The following RUFY2 variants were observed in gnomAD, a reference collection of about 807,000 sequenced individuals.
RUFY2 encodes RUN and FYVE domain-containing protein 2.
RUFY2 carries 49 observed loss-of-function variants against 94.4 expected under a neutral mutation model. That is an observed-to-expected ratio of 0.52 (90% CI 0.41 to 0.66). The LOEUF is 0.66. Ranked by LOEUF, RUFY2 falls within the 30% of genes least tolerant of loss-of-function variation. RUFY2 has a pLI of 0.00. For synonymous variants in RUFY2, 255 were observed against 235.7 expected (o/e 1.08, Z -0.75); for missense variants, 541 against 692.8 (o/e 0.78, Z 2.46).
intron 11 of RUFY2, among the ~76,000 whole-genome samples, chr10:68,380,337 G>A (rs184553558): frequency 1.6e-4 from 24 of 150,890 alleles, no homozygotes; most frequent in South Asian, 4.2e-4. Context: ...TGGGAGGATC[G>A]CTTGAGACCA....
intron 15 of RUFY2, among the ~76,000 whole-genome samples, chr10:68,358,074 G>C (rs527550374): frequency 3.3e-5 from 5 of 152,080 alleles, no homozygotes; most frequent in Non-Finnish European, 5.9e-5. Flanking sequence ...TGTAGTCCCA[G>C]CTACTCAGGT....
In RUFY2 at chr10:68,359,910, A is replaced by AT. The variant is rs1265049229; in HGVS notation, c.1550+3679dup. 2.6e-5 allele frequency among the ~76,000 whole-genome samples: 4 copies of AT among 152,018 alleles called. No individual in the cohort carries two copies. In the South Asian group the frequency reaches 6.2e-4, roughly 24 times the overall value. On this transcript the variant is annotated intron_variant, in intron 15 of 17. Coordinates refer to ENST00000602465, the MANE Select transcript of RUFY2 (RefSeq NM_001330103.2). Reference sequence around the variant, plus strand: ...TAAGCCTGAAAGGAAATATATACATATATGTATACACGTATACATATTCTC... The same window carrying AT: ...TAAGCCTGAAAGGAAATATATACATATTATGTATACACGTATACATATTCTC...
At chr10:68,405,486 A>G (rs894290605) in intron 1 of RUFY2, 2 of 971,722 alleles carry the variant, frequency 2.1e-6, no homozygotes, top group South Asian at 4.8e-5. Flanking sequence ...TCTTCTATGG[A>G]GATAAATTTG....
intron 7 of RUFY2, among the ~76,000 whole-genome samples, chr10:68,388,417 C>T (rs979609431): frequency 5.3e-5 from 8 of 152,094 alleles, no homozygotes; most frequent in Admixed American, 2.0e-4. Flanking sequence ...GAGCTGAGAT[C>T]GCGCCATTGC....
In RUFY2 at chr10:68,347,815, A is replaced by G. The variant is rs145377757; in HGVS notation, c.1600-1731T>C. Among the ~76,000 whole-genome samples the G allele has an allele frequency of 6.9e-3, 1,058 of 152,344 alleles. 9 individuals carry two copies. The highest frequency in any genetic ancestry group is 0.024 in the African/African-American group (983 of 41,576). Reference sequence around the variant, plus strand: ...CCTGGACATGGAGCAACTGCAACCTATCAATTACTACTGAAGCACAGGAAC... The same window carrying G: ...CCTGGACATGGAGCAACTGCAACCTGTCAATTACTACTGAAGCACAGGAAC... On this transcript the variant is annotated intron_variant, in intron 16 of 17. Transcript: ENST00000602465.
At chr10:68,357,421 G>A (rs1051205532) in intron 15 of RUFY2, among the ~76,000 whole-genome samples, 1 of 151,870 alleles carries the variant, frequency 6.6e-6, no homozygotes, top group Non-Finnish European at 1.5e-5. Context: ...TAGAGACGGG[G>A]TTTTTCCATG....
rs1451962773 is a variant in RUFY2, at chr10:68,345,755, T to C, written c.*13A>G. ...GTAGGTAATTTCATACATAAGGATT[T>C]AGTTCTGGAGTCTCAGGGCAAGTTA... On this transcript the variant is annotated 3_prime_UTR_variant, in exon 18 of 18. Coordinates refer to ENST00000602465, the MANE Select transcript of RUFY2 (RefSeq NM_001330103.2). 2 of 1,604,936 alleles carry C rather than the reference T, an allele frequency of 1.2e-6. No homozygotes were observed. The highest frequency in any genetic ancestry group is 2.7e-5 in the African/African-American group (2 of 74,690).
chr10:68,375,847 T>C (rs2048598770), intron 13 of RUFY2, among the ~76,000 whole-genome samples: 1 of 150,606 alleles, frequency 6.6e-6, no homozygotes, highest in Admixed American at 6.6e-5. Context: ...CCTGTAATCC[T>C]AGCACTCTGG....
intron 16 of RUFY2, among the ~76,000 whole-genome samples, chr10:68,352,224 G>C (rs943220039): frequency 1.4e-4 from 22 of 152,050 alleles, no homozygotes; most frequent in African/African-American, 4.6e-4. Context: ...GCCTCTTAAA[G>C]CACTGGGGTT....
intron 1 of RUFY2, chr10:68,405,846 C>G (rs1419486631): frequency 4.0e-6 from 1 of 252,420 alleles, no homozygotes; most frequent in Non-Finnish European, 6.2e-6. Flanking sequence ...AGGATGCCCA[C>G]AGCGCCAGTC....
intron 11 of RUFY2, among the ~76,000 whole-genome samples, chr10:68,380,015 A>G (rs1197485069): frequency 6.6e-6 from 1 of 151,874 alleles, no homozygotes; most frequent in East Asian, 1.9e-4. Context: ...TCACTGTGTT[A>G]GTCAGGATGG....
At chr10:68,402,330 AT>A in intron 2 of RUFY2, among the ~76,000 whole-genome samples, 1 of 152,082 alleles carries the variant, frequency 6.6e-6, no homozygotes, top group Non-Finnish European at 1.5e-5. Context: ...TTATTCTGAG[AT>A]TTGGTCAATA....
Position 68,407,200 on chromosome 10 carries a change from G to C in RUFY2, c.-11C>G. On this transcript the variant is annotated 5_prime_UTR_variant, in exon 1 of 18. Coordinates refer to ENST00000602465, the MANE Select transcript of RUFY2 (RefSeq NM_001330103.2). ...GCTCGCCTTACCCATGGCGGCGGCG[G>C]CTGCGCGGTCTCGGGCGGAGGCTCC... The C allele has an allele frequency of 7.1e-7, 1 of 1,416,724 alleles. No homozygotes were observed. The highest frequency in any genetic ancestry group is 3.0e-5 in the East Asian group (1 of 33,486). 87.8% of individuals were successfully genotyped at this position (1,416,724 alleles called of 1,614,324 possible).
At chr10:68,402,260 G>A (rs1470524526) in intron 2 of RUFY2, among the ~76,000 whole-genome samples, 1 of 151,886 alleles carries the variant, frequency 6.6e-6, no homozygotes, top group Non-Finnish European at 1.5e-5. Flanking sequence ...ACCACGCCCA[G>A]CCTAAGAAGT....
At chr10:68,351,488 C>T (rs1308770579) in intron 16 of RUFY2, among the ~76,000 whole-genome samples, 3 of 134,026 alleles carry the variant, frequency 2.2e-5, no homozygotes, top group East Asian at 2.2e-4. Context: ...CTTGCTCTGT[C>T]GCCCAGGCGG....
chr10:68,378,945 A>T (rs2048842448), intron 12 of RUFY2, among the ~76,000 whole-genome samples: 1 of 152,216 alleles, frequency 6.6e-6, no homozygotes. Context: ...ATATAAAACA[A>T]TTCAATTTAA....
chr10:68,386,570 G>T (rs2049515697), intron 7 of RUFY2, among the ~76,000 whole-genome samples: 1 of 152,052 alleles, frequency 6.6e-6, no homozygotes, highest in South Asian at 2.1e-4. Flanking sequence ...GGCTGGTCTT[G>T]AACTCCTGAC....
At position 68,381,256 on chromosome 10, in the gene RUFY2, G is replaced by A. The variant is rs755655382; in HGVS notation, c.1083C>T (p.Asn361=). 2.5e-6 allele frequency: 4 copies of A among 1,612,616 alleles called. No homozygotes were observed. The highest frequency in any genetic ancestry group is 2.5e-6 in the Non-Finnish European group (3 of 1,179,438). Residue 361 remains asparagine, a synonymous_variant, in exon 11 of 18, where the codon AAC becomes AAT. Coordinates refer to ENST00000602465, the MANE Select transcript of RUFY2 (RefSeq NM_001330103.2). ...CCTGCAACTTTTGATACATCTCTAT[G>A]TTAATTGCTTTAACTTCCTCTAGTT... ...RQQLEEVKAI[N]IEMYQKLQGS... is the part of the protein sequence containing the mutation.
In RUFY2 at chr10:68,345,990, CTTCT is replaced by C. The variant is rs1285630765; in HGVS notation, c.1677+13_1677+16del. Reference sequence around the variant, plus strand: ...TTTGCACTCCAAATTTTTGGACTCACTTCTTATCTCCCTTACCTTTCTCTTAGAG... The same window carrying C: ...TTTGCACTCCAAATTTTTGGACTCACTATCTCCCTTACCTTTCTCTTAGAG... On this transcript the variant is annotated intron_variant, in intron 17 of 17. Coordinates refer to ENST00000602465, the MANE Select transcript of RUFY2 (RefSeq NM_001330103.2). 4 of 1,612,602 alleles carry C rather than the reference CTTCT, an allele frequency of 2.5e-6. No individual in the cohort carries two copies. The highest frequency in any genetic ancestry group is 2.5e-6 in the Non-Finnish European group (3 of 1,179,392).
Sources: gnomAD v4.1 joint callset for allele counts (sites outside exome capture counted in the v4.1 genomes callset) on GRCh38, gnomAD v4.1.1 for gene constraint, MANE v1.5 for transcripts, NCBI Gene and HGNC (gene_info 2026-07-23, HGNC 2026-07-21) for gene names.